Variants in RALYL observed in about 807,000 individuals in gnomAD.
RALYL encodes the protein RALY RNA binding protein like.
A neutral mutation model predicts 35.1 loss-of-function variants in RALYL; 29 were observed. The ratio of observed to expected loss-of-function variants is 0.83; its 90% CI spans 0.61 to 1.13. The LOEUF (loss-of-function observed/expected upper bound fraction) is 1.13. Among genes scored for constraint, RALYL ranks in the 50% most tolerant of loss-of-function variants. The probability of loss-of-function intolerance (pLI) is 0.00; values close to 1 mark genes in which losing one functional copy is unlikely to be tolerated. For synonymous variants in RALYL, 120 were observed against 127.6 expected (o/e 0.94, Z 0.40); for missense variants, 359 against 360.4 (o/e 1.00, Z 0.03).
intron 2 of RALYL, among the ~76,000 whole-genome samples, chr8:84,589,274 C>T (rs1812700441): frequency 6.6e-6 from 1 of 152,142 alleles, no homozygotes; most frequent in Non-Finnish European, 1.5e-5. Context: ...AAAGGGATTC[C>T]TGAAAGAAAA....
rs530183623 is a variant in RALYL at position 84,311,832 on chromosome 8, G to A, written c.-24+127408G>A. Among the ~76,000 whole-genome samples the A allele has an allele frequency of 2.6e-5, 4 of 152,186 alleles. No homozygotes were observed. In the South Asian group the frequency reaches 6.2e-4, roughly 24 times the overall value. The stretch of plus-strand genomic sequence containing the variant: ...ACATATACTTAGAAAAAGAGTCAGA[G>A]CAACAATACCAAAAACAATAACAGA... On this transcript the variant is annotated intron_variant, in intron 1 of 8. Transcript: ENST00000521268.
intron 1 of RALYL, among the ~76,000 whole-genome samples, chr8:84,305,631 C>T (rs1841636279): frequency 6.6e-6 from 1 of 152,144 alleles, no homozygotes; most frequent in Admixed American, 6.5e-5. Context: ...AGTAGTATAT[C>T]ACTTTTCATA....
rs189748757 is a variant in RALYL at position 84,846,662 on chromosome 8, A to T, written c.366-3318A>T. On this transcript the variant is annotated intron_variant, in intron 4 of 8. Transcript: ENST00000521268. Reference sequence around the variant, plus strand: ...TGATCATGAGCTTTTATTGATTGGTAGGTTTTGTATTATGGATCCCATTTC... The same window carrying T: ...TGATCATGAGCTTTTATTGATTGGTTGGTTTTGTATTATGGATCCCATTTC... Among the ~76,000 whole-genome samples the T allele has an allele frequency of 3.6e-3, 551 of 152,224 alleles. 6 individuals are homozygous for T. Among genetic ancestry groups the T allele is most frequent in the African/African-American group, 0.012 (512 of 41,528 alleles).
intron 1 of RALYL, among the ~76,000 whole-genome samples, chr8:84,424,729 G>A (rs1364675239): frequency 6.6e-6 from 1 of 151,980 alleles, no homozygotes; most frequent in African/African-American, 2.4e-5. Context: ...TGGGTTTTTG[G>A]TGTGGATGTC....
intron 4 of RALYL, among the ~76,000 whole-genome samples, chr8:84,812,764 G>A (rs1826207937): frequency 6.6e-6 from 1 of 152,128 alleles, no homozygotes; most frequent in Non-Finnish European, 1.5e-5. Flanking sequence ...CTCCCACCAT[G>A]CCCCCGCTAA....
At chr8:84,845,729 T>C (rs749059025) in intron 4 of RALYL, among the ~76,000 whole-genome samples, 1 of 151,806 alleles carries the variant, frequency 6.6e-6, no homozygotes, top group Admixed American at 6.6e-5. Flanking sequence ...GTAGCCAATA[T>C]CAAAAAGGGG....
At chr8:84,223,406 G>A (rs1204389628) in intron 1 of RALYL, among the ~76,000 whole-genome samples, 4 of 152,078 alleles carry the variant, frequency 2.6e-5, no homozygotes, top group African/African-American at 9.7e-5. Flanking sequence ...TCAAATAAAA[G>A]CATTTGCCTT....
chr8:84,316,321 C>T (rs182162529), intron 1 of RALYL, among the ~76,000 whole-genome samples: 1 of 152,074 alleles, frequency 6.6e-6, no homozygotes, highest in Non-Finnish European at 1.5e-5. Flanking sequence ...CTATAACAAC[C>T]TTTCATATAT....
chr8:84,290,853 G>A (rs564279365), intron 1 of RALYL, among the ~76,000 whole-genome samples: 5 of 152,078 alleles, frequency 3.3e-5, no homozygotes, highest in Non-Finnish European at 5.9e-5. Context: ...TAAATCATTG[G>A]AGAAAAGTAG....
At chr8:84,428,090 TCTCTCTCTCTCTCTCTCACACA>T (rs1357783384) in intron 1 of RALYL, among the ~76,000 whole-genome samples, 1 of 129,752 alleles carries the variant, frequency 7.7e-6, no homozygotes, top group African/African-American at 2.9e-5. Flanking sequence ...TCTCTCTCTC[TCTCTCTCTCTCTCTCTCACACA>T]CACACACACA....
intron 8 of RALYL, among the ~76,000 whole-genome samples, chr8:84,917,038 C>A (rs1229412432): frequency 2.0e-5 from 3 of 152,024 alleles, no homozygotes; most frequent in Admixed American, 1.3e-4. Flanking sequence ...GAAAATAAAA[C>A]ATCTTAGCAT....
intron 1 of RALYL, among the ~76,000 whole-genome samples, chr8:84,460,722 G>C (rs1007702993): frequency 6.6e-6 from 1 of 151,584 alleles, no homozygotes; most frequent in African/African-American, 2.4e-5. Flanking sequence ...AGTGGAAAAA[G>C]AACTTTCGTG....
chr8:84,405,449 G>C (rs561683029), intron 1 of RALYL, among the ~76,000 whole-genome samples: 1 of 152,128 alleles, frequency 6.6e-6, no homozygotes, highest in East Asian at 1.9e-4. Flanking sequence ...TAACAAAATA[G>C]ATAGACCACT....
intron 2 of RALYL, among the ~76,000 whole-genome samples, chr8:84,649,584 T>G (rs1461513615): frequency 6.6e-6 from 1 of 152,142 alleles, no homozygotes; most frequent in Non-Finnish European, 1.5e-5. Context: ...AAGGATCAGA[T>G]AGTTGTAGAT....
chr8:84,577,781 A>G (rs571562207), intron 2 of RALYL, among the ~76,000 whole-genome samples: 5 of 152,332 alleles, frequency 3.3e-5, no homozygotes, highest in Admixed American at 6.5e-5. Context: ...TGAGAAAATT[A>G]AGAAAATTTG....
At chr8:84,542,903 T>C (rs1486950930) in intron 2 of RALYL, among the ~76,000 whole-genome samples, 1 of 152,190 alleles carries the variant, frequency 6.6e-6, no homozygotes, top group African/African-American at 2.4e-5. Context: ...TGAGATTCAT[T>C]GACACGTCCC....
At chr8:84,397,788 A>G (rs2042493062) in intron 1 of RALYL, among the ~76,000 whole-genome samples, 1 of 152,188 alleles carries the variant, frequency 6.6e-6, no homozygotes, top group South Asian at 2.1e-4. Flanking sequence ...CAGACAAGCA[A>G]AAAGCTGAAC....
At chr8:84,859,098 G>A (rs1267451267) in intron 5 of RALYL, among the ~76,000 whole-genome samples, 3 of 152,146 alleles carry the variant, frequency 2.0e-5, no homozygotes, top group African/African-American at 7.2e-5. Context: ...GGAGCCAACC[G>A]AGCATAAGGG....
chr8:84,301,197 G>A (rs540679750), intron 1 of RALYL, among the ~76,000 whole-genome samples: 1 of 151,972 alleles, frequency 6.6e-6, no homozygotes, highest in African/African-American at 2.4e-5. Flanking sequence ...TAAGAATGCT[G>A]AATATAGGCC....
Sources: allele counts gnomAD v4.1 joint callset (sites outside exome capture counted in the v4.1 genomes callset), GRCh38; gene constraint gnomAD v4.1.1; transcripts MANE v1.5; gene names NCBI Gene and HGNC (gene_info 2026-07-23, HGNC 2026-07-21).